TAFA1: variants seen among roughly 807,000 people sequenced by gnomAD.
TAFA1 encodes chemokine-like protein TAFA-1.
Under a neutral mutation model 18.5 loss-of-function variants are expected in TAFA1, and 4 were observed. The ratio of observed to expected loss-of-function variants is 0.22; its 90% CI spans 0.11 to 0.49. The LOEUF is 0.49. TAFA1 is among the 20% of genes least tolerant of loss of function. TAFA1 has a pLI of 0.98. For missense variants in TAFA1, 147 were observed against 169.0 expected, an observed-to-expected ratio of 0.87 and a Z score of 0.72; for synonymous variants, 56 against 55.2, an observed-to-expected ratio of 1.01 and a Z score of -0.06.
chr3:68,099,652 A>G lies in TAFA1; in HGVS notation c.118+92908A>G, dbSNP rs911279785. Among the ~76,000 whole-genome samples the G allele has an allele frequency of 2.0e-5, 3 of 152,176 alleles. No homozygotes were observed. In the East Asian group the frequency reaches 5.8e-4, roughly 29 times the overall value. ...CCAACAATCCCATTACTAGGTATAG[A>G]CCCAAAGGAAGATAAATTGTTCTAT... is the stretch of plus-strand genomic sequence containing the variant. On this transcript the variant is annotated intron_variant, in intron 2 of 4. Transcript: ENST00000478136.
chr3:68,505,573 G>T (rs771752883), intron 3 of TAFA1, among the ~76,000 whole-genome samples: 1 of 152,118 alleles, frequency 6.6e-6, no homozygotes, highest in Non-Finnish European at 1.5e-5. Flanking sequence ...GCTGGGCTGT[G>T]TTCTCATCTG....
chr3:68,252,916 C>T (rs958881281), intron 2 of TAFA1, among the ~76,000 whole-genome samples: 11 of 152,102 alleles, frequency 7.2e-5, no homozygotes, highest in Non-Finnish European at 1.6e-4. Flanking sequence ...GTCTCATGAG[C>T]TCTGATGGTT....
At chr3:68,326,373 G>A (rs1487973074) in intron 2 of TAFA1, among the ~76,000 whole-genome samples, 4 of 152,116 alleles carry the variant, frequency 2.6e-5, no homozygotes, top group Non-Finnish European at 5.9e-5. Context: ...TGGAAATTAA[G>A]CCTGGAAAGG....
intron 3 of TAFA1, among the ~76,000 whole-genome samples, chr3:68,483,117 T>C (rs1251253242): frequency 6.6e-6 from 1 of 152,168 alleles, no homozygotes; most frequent in East Asian, 1.9e-4. Flanking sequence ...CATCCAGGCC[T>C]CAGCAAGTAG....
intron 2 of TAFA1, among the ~76,000 whole-genome samples, chr3:68,293,195 A>G (rs1033910633): frequency 6.6e-6 from 1 of 152,206 alleles, no homozygotes; most frequent in Non-Finnish European, 1.5e-5. Flanking sequence ...TCCTCTCCCC[A>G]GGGAAAAATA....
chr3:68,455,946 C>A (rs1575882983), intron 3 of TAFA1, among the ~76,000 whole-genome samples: 1 of 152,166 alleles, frequency 6.6e-6, no homozygotes, highest in East Asian at 1.9e-4. Flanking sequence ...CCTTATGACT[C>A]CCTTATATAA....
chr3:68,068,477 T>TTTTAAATC (rs1443164381), intron 2 of TAFA1, among the ~76,000 whole-genome samples: 1 of 152,214 alleles, frequency 6.6e-6, no homozygotes, highest in Admixed American at 6.5e-5. Flanking sequence ...GGCTTTAAGC[T>TTTTAAATC]TTTAAATCTT....
intron 2 of TAFA1, among the ~76,000 whole-genome samples, chr3:68,308,853 T>G (rs75930138): frequency 0.021 from 3,165 of 152,250 alleles, 99 homozygotes; most frequent in African/African-American, 0.066. Context: ...TGGAAAGCTT[T>G]GGTTTCACTG....
intron 2 of TAFA1, among the ~76,000 whole-genome samples, chr3:68,065,851 T>A (rs999792162): frequency 1.3e-5 from 2 of 151,746 alleles, no homozygotes; most frequent in Admixed American, 1.3e-4. Flanking sequence ...ACAACCCAAA[T>A]GTTCATTGAC....
At chr3:68,027,084 T>A (rs1704832965) in intron 2 of TAFA1, among the ~76,000 whole-genome samples, 2 of 151,978 alleles carry the variant, frequency 1.3e-5, no homozygotes, top group Admixed American at 1.3e-4. Flanking sequence ...CAAGCAGGGA[T>A]GGTATTAAAC....
At chr3:68,091,438 C>G (rs527437735) in intron 2 of TAFA1, among the ~76,000 whole-genome samples, 5 of 152,100 alleles carry the variant, frequency 3.3e-5, no homozygotes, top group African/African-American at 1.2e-4. Flanking sequence ...TAATATTTAA[C>G]TTAATTATCA....
chr3:68,469,374 CTT>C (rs1233733990), intron 3 of TAFA1, among the ~76,000 whole-genome samples: 1 of 152,094 alleles, frequency 6.6e-6, no homozygotes, highest in Non-Finnish European at 1.5e-5. Flanking sequence ...CTTATTTTCT[CTT>C]TTGAAAAGTC....
chr3:68,467,129 T>C (rs1398426910), intron 3 of TAFA1, among the ~76,000 whole-genome samples: 1 of 152,158 alleles, frequency 6.6e-6, no homozygotes, highest in Non-Finnish European at 1.5e-5. Context: ...TAAGGTTATC[T>C]CCCTTGTTCC....
chr3:68,045,999 A>C (rs1044805128), intron 2 of TAFA1, among the ~76,000 whole-genome samples: 1 of 152,072 alleles, frequency 6.6e-6, no homozygotes, highest in Non-Finnish European at 1.5e-5. Context: ...GTTTTAAATA[A>C]TTTGCCCCCC....
rs1402975446 is a variant in TAFA1 at position 68,545,070 on chromosome 3, C to T, written c.*567C>T. 1 of 152,566 alleles carries T rather than the reference C, an allele frequency of 6.6e-6. No individual in the cohort carries two copies. The highest frequency in any genetic ancestry group is 2.4e-5 in the African/African-American group (1 of 41,428). 9.5% of individuals were successfully genotyped at this position (152,566 alleles called of 1,614,324 possible). The stretch of plus-strand genomic sequence containing the variant: ...CATCATAATGATACTGAATCAAGAA[C>T]TTCCTTCTGCTTCTACCAGATGGCC... On this transcript the variant is annotated 3_prime_UTR_variant, in exon 5 of 5. Transcript: ENST00000478136.
intron 2 of TAFA1, among the ~76,000 whole-genome samples, chr3:68,052,730 A>G (rs990052680): frequency 5.9e-5 from 9 of 152,204 alleles, no homozygotes; most frequent in African/African-American, 2.2e-4. Flanking sequence ...GAATAAGACA[A>G]CATCCTCTAT....
chr3:68,201,468 T>C (rs1160311320), intron 2 of TAFA1, among the ~76,000 whole-genome samples: 1 of 151,700 alleles, frequency 6.6e-6, no homozygotes, highest in Non-Finnish European at 1.5e-5. Context: ...TCATTTCTAA[T>C]ATAAGGGTGT....
chr3:68,280,455 GGTAAGT>G (rs138700504), intron 2 of TAFA1, among the ~76,000 whole-genome samples: 3,214 of 152,182 alleles, frequency 0.021, 74 homozygotes, highest in South Asian at 0.098. Flanking sequence ...AGTGCAGTCT[GGTAAGT>G]GAATTAGGAA....
At position 68,384,197 on chromosome 3, in the gene TAFA1, C is replaced by T. The variant is rs142478419; in HGVS notation, c.119-33083C>T. Among the ~76,000 whole-genome samples, 28 of 151,818 alleles carry T rather than the reference C, an allele frequency of 1.8e-4. 1 individual carries two copies. The highest frequency in any genetic ancestry group is 4.6e-4 in the African/African-American group (19 of 41,452). On this transcript the variant is annotated intron_variant, in intron 2 of 4. Transcript: ENST00000478136. ...GTCTTCTTCAGTTCAGCTCTAATTT[C>T]GGTTATTTCTTGTCTTCTGCTAGCT...
Sources: gnomAD v4.1 joint callset for allele counts (sites outside exome capture counted in the v4.1 genomes callset) on GRCh38, gnomAD v4.1.1 for gene constraint, MANE v1.5 for transcripts, NCBI Gene and HGNC (gene_info 2026-07-23, HGNC 2026-07-21) for gene names.